Variants in SOX5 observed in about 807,000 individuals in gnomAD.
SOX5 encodes the protein transcription factor SOX-5.
A neutral mutation model predicts 92.0 loss-of-function variants in SOX5; 9 were observed. The ratio of observed to expected loss-of-function variants is 0.10; its 90% CI spans 0.06 to 0.17. The LOEUF is 0.17. SOX5 is among the 10% of genes least tolerant of loss of function. The probability of loss-of-function intolerance (pLI) is 1.00; values close to 1 mark genes in which losing one functional copy is unlikely to be tolerated. For synonymous variants in SOX5, 344 were observed against 336.3 expected, an observed-to-expected ratio of 1.02 and a Z score of -0.25; for missense variants, 642 against 944.5, an observed-to-expected ratio of 0.68 and a Z score of 4.20.
chr12:24,482,840 T>G (rs1946145428), intron 1 of SOX5, among the ~76,000 whole-genome samples: 1 of 152,186 alleles, frequency 6.6e-6, no homozygotes, highest in Non-Finnish European at 1.5e-5. Context: ...GAATAAAAGA[T>G]TGTTCTAAAT....
chr12:24,327,663 A>C (rs569839244), intron 2 of SOX5, among the ~76,000 whole-genome samples: 3 of 151,856 alleles, frequency 2.0e-5, no homozygotes, highest in Admixed American at 6.6e-5. Flanking sequence ...CGCTCACTGC[A>C]AACTCTGCCT....
At chr12:24,365,100 T>C (rs1382112245) in intron 2 of SOX5, among the ~76,000 whole-genome samples, 2 of 152,128 alleles carry the variant, frequency 1.3e-5, no homozygotes, top group Non-Finnish European at 2.9e-5. Flanking sequence ...AAAAGTTTAT[T>C]CATTCATGAC....
intron 4 of SOX5, among the ~76,000 whole-genome samples, chr12:24,067,919 C>T (rs998913249): frequency 6.6e-6 from 1 of 152,086 alleles, no homozygotes; most frequent in Non-Finnish European, 1.5e-5. Context: ...CCGAGGCGGG[C>T]GGATTGCCTG....
chr12:23,767,414 G>A (rs2094774293), intron 3 of SOX5, among the ~76,000 whole-genome samples: 1 of 152,108 alleles, frequency 6.6e-6, no homozygotes, highest in Non-Finnish European at 1.5e-5. Context: ...AAGAATGGGA[G>A]AATCACGTTA....
chr12:23,969,325 A>ATT (rs35951518), intron 4 of SOX5, among the ~76,000 whole-genome samples: 32,378 of 151,546 alleles, frequency 0.21, 3,659 homozygotes, highest in Non-Finnish European at 0.24. Context: ...TCTTCAATCC[A>ATT]TTTTTTTTCC....
chr12:23,832,360 T>A (rs540598844), intron 3 of SOX5, among the ~76,000 whole-genome samples: 1 of 152,104 alleles, frequency 6.6e-6, no homozygotes, highest in African/African-American at 2.4e-5. Flanking sequence ...GACTGTTGAG[T>A]TCATTATTGT....
intron 3 of SOX5, among the ~76,000 whole-genome samples, chr12:23,766,270 A>T (rs1323910346): frequency 6.6e-6 from 1 of 152,200 alleles, no homozygotes; most frequent in Non-Finnish European, 1.5e-5. Flanking sequence ...TCACATAAGC[A>T]ATATAAAGTT....
chr12:24,209,358 T>A (rs1048756255), intron 4 of SOX5, among the ~76,000 whole-genome samples: 1 of 152,208 alleles, frequency 6.6e-6, no homozygotes, highest in African/African-American at 2.4e-5. Flanking sequence ...CAAAGAATAA[T>A]TTCCTTATTT....
chr12:24,184,634 T>A (rs1410467196), intron 4 of SOX5, among the ~76,000 whole-genome samples: 2 of 152,142 alleles, frequency 1.3e-5, no homozygotes, highest in African/African-American at 4.8e-5. Flanking sequence ...ATGTAACGTT[T>A]TGACTCTGAG....
chr12:24,226,444 C>T (rs1054270946), intron 3 of SOX5, among the ~76,000 whole-genome samples: 8 of 152,068 alleles, frequency 5.3e-5, no homozygotes, highest in Non-Finnish European at 1.0e-4. Flanking sequence ...CATATTACTG[C>T]ATAGAGATCT....
At chr12:23,884,284 T>G (rs2097035006) in intron 2 of SOX5, among the ~76,000 whole-genome samples, 1 of 152,164 alleles carries the variant, frequency 6.6e-6, no homozygotes, top group South Asian at 2.1e-4. Context: ...ATCAAACGGA[T>G]CTTGGAATTT....
chr12:24,301,310 CCTTAT>C (rs538519743), intron 2 of SOX5, among the ~76,000 whole-genome samples: 45 of 152,296 alleles, frequency 3.0e-4, no homozygotes, highest in East Asian at 5.8e-4. Context: ...GCCCCAAATG[CCTTAT>C]CTTAAGTGTC....
intron 4 of SOX5, among the ~76,000 whole-genome samples, chr12:24,208,736 G>A (rs900609430): frequency 5.9e-5 from 9 of 152,198 alleles, no homozygotes; most frequent in African/African-American, 2.2e-4. Flanking sequence ...ACTTTAAATA[G>A]TGTGTTAGGG....
chr12:23,948,952 TCCATTTATCC>T (rs1228136808), intron 1 of SOX5, among the ~76,000 whole-genome samples: 2 of 152,120 alleles, frequency 1.3e-5, no homozygotes, highest in Non-Finnish European at 2.9e-5. Context: ...AGGGAACAGC[TCCATTTATCC>T]CCTTTTCGCC....
intron 1 of SOX5, among the ~76,000 whole-genome samples, chr12:24,488,649 A>C (rs906562478): frequency 1.3e-5 from 2 of 152,196 alleles, no homozygotes; most frequent in African/African-American, 4.8e-5. Flanking sequence ...AAATTTTCAC[A>C]TTTAATTTTG....
chr12:24,343,323 T>A (rs1217954403), intron 2 of SOX5, among the ~76,000 whole-genome samples: 1 of 152,056 alleles, frequency 6.6e-6, no homozygotes. Context: ...AGCAGTAGAG[T>A]AAAACGGCTT....
intron 1 of SOX5, among the ~76,000 whole-genome samples, chr12:24,524,525 T>C (rs1200694980): frequency 2.0e-5 from 3 of 152,046 alleles, no homozygotes; most frequent in African/African-American, 7.2e-5. Context: ...AAAATCCTGA[T>C]TTTAAAATGT....
At chr12:23,652,601 T>G (rs906217069) in intron 7 of SOX5, among the ~76,000 whole-genome samples, 6 of 151,904 alleles carry the variant, frequency 3.9e-5, no homozygotes, top group Non-Finnish European at 8.8e-5. Flanking sequence ...TTTATCTTCT[T>G]TCTTCCAAAA....
intron 1 of SOX5, among the ~76,000 whole-genome samples, chr12:24,561,255 G>C (rs1298365489): frequency 1.3e-5 from 2 of 152,184 alleles, no homozygotes; most frequent in Admixed American, 1.3e-4. Context: ...TCCTCGTCTT[G>C]ACCTGCTTTA....
Sources: gnomAD v4.1 joint callset for allele counts (sites outside exome capture counted in the v4.1 genomes callset) on GRCh38, gnomAD v4.1.1 for gene constraint, MANE v1.5 for transcripts, NCBI Gene and HGNC (gene_info 2026-07-23, HGNC 2026-07-21) for gene names.